NCBP2: variants seen among roughly 807,000 people sequenced by gnomAD.
NCBP2 encodes the protein nuclear cap-binding protein subunit 2.
NCBP2 carries 8 observed loss-of-function variants against 21.5 expected under a neutral mutation model. That is an observed-to-expected ratio of 0.37 (90% CI 0.22 to 0.67). The LOEUF (loss-of-function observed/expected upper bound fraction) is 0.67, where lower values mean the gene tolerates loss of function less well. NCBP2 is among the 30% of genes least tolerant of loss of function. The pLI is 0.56. For missense variants in NCBP2, 127 were observed against 206.9 expected (o/e 0.61, Z 2.37); for synonymous variants, 92 against 75.8 (o/e 1.21, Z -1.11).
At chr3:196,942,221 G>A (rs919735627) in intron 1 of NCBP2, 2 of 1,461,362 alleles carry the variant, frequency 1.4e-6, no homozygotes, top group South Asian at 1.4e-5. Context: ...CGAGCCTCCA[G>A]TTCCCCGTCT....
In NCBP2 at chr3:196,937,707, A is replaced by G. The variant is rs564068047; in HGVS notation, c.261-59T>C. 614 of 1,591,356 alleles carry G rather than the reference A, an allele frequency of 3.9e-4. 3 individuals are homozygous for G. The African/African-American group carries it at 7.2e-3, about 19-fold the overall frequency. On this transcript the variant is annotated intron_variant, in intron 2 of 3. Coordinates refer to ENST00000321256, the MANE Select transcript of NCBP2 (RefSeq NM_007362.5). ...ACATTTCTGGAAATAGGGGAACAAC[A>G]TGTAAATGAAGCTGAGTTGTTAAAA...
At chr3:196,937,457 A>G (rs921132074) in intron 3 of NCBP2, 53 bp downstream of exon 3, 233 of 1,605,870 alleles carry the variant, frequency 1.5e-4, no homozygotes, top group Non-Finnish European at 1.8e-4. Context: ...AACACCTGTC[A>G]TTGTGACTGG....
chr3:196,940,563 C>G (rs1474949026), intron 1 of NCBP2, among the ~76,000 whole-genome samples: 1 of 152,118 alleles, frequency 6.6e-6, no homozygotes, highest in East Asian at 1.9e-4. Context: ...AAATAGCCTA[C>G]AGTTTAAGAT....
chr3:196,940,190 G>A (rs1042778345), intron 1 of NCBP2: 1 of 152,216 alleles, frequency 6.6e-6, no homozygotes, highest in Non-Finnish European at 1.5e-5. Flanking sequence ...CATAGTGAAT[G>A]AAACCCTGTC....
At chr3:196,938,924 CTGG>C in intron 2 of NCBP2, 1 of 222,280 alleles carries the variant, frequency 4.5e-6, no homozygotes, top group African/African-American at 2.3e-5. Context: ...GCCCAAGAAA[CTGG>C]TAACTGACTG....
At chr3:196,939,509 C>T (rs1716427998) in intron 1 of NCBP2, 77 bp from the exon 2 acceptor site, 6 of 1,094,922 alleles carry the variant, frequency 5.5e-6, no homozygotes, top group Non-Finnish European at 7.7e-6. Context: ...ACGGTAGAGA[C>T]ATTCATTAAT....
rs1485811630 is a variant in NCBP2 at position 196,936,025 on chromosome 3, C to T, written c.*986G>A. On this transcript the variant is annotated 3_prime_UTR_variant, in exon 4 of 4. Transcript: ENST00000321256. ...CTCCCTTTTAAAACCCAGTCCATTC[C>T]CAACATCACTGAAAATGAAAAGAAT... The T allele has an allele frequency of 6.6e-6, 1 of 152,176 alleles. No individual in the cohort carries two copies. The highest frequency in any genetic ancestry group is 1.9e-4 in the East Asian group (1 of 5,204). 9.4% of individuals were successfully genotyped at this position (152,176 alleles called of 1,614,324 possible).
At chr3:196,937,736 A>G in intron 2 of NCBP2, 88 bp from the exon 3 acceptor site, 1 of 1,511,470 alleles carries the variant, frequency 6.6e-7, no homozygotes, top group Non-Finnish European at 9.1e-7. Flanking sequence ...GTTAAAAAGT[A>G]CAAGAGCTAA....
rs1716255572 is a variant in NCBP2 at position 196,936,202 on chromosome 3, C to G, written c.*809G>C. ...CTTTTTTTTAGCTTTAGGTATAACA[C>G]TGACATCTTTTGAAAAACGTGTTAG... On this transcript the variant is annotated 3_prime_UTR_variant, in exon 4 of 4. Coordinates refer to ENST00000321256, the MANE Select transcript of NCBP2 (RefSeq NM_007362.5). The G allele has an allele frequency of 6.6e-6, 1 of 152,174 alleles. No homozygotes were observed. The highest frequency in any genetic ancestry group is 1.5e-5 in the Non-Finnish European group (1 of 68,050). The allele number at this position is 152,174 out of a possible 1,614,324, so 9.4% of individuals were successfully genotyped here.
chr3:196,940,093 G>C (rs960470557), intron 1 of NCBP2: 1 of 152,410 alleles, frequency 6.6e-6, no homozygotes, highest in Non-Finnish European at 1.5e-5. Context: ...GGTCAGGCGC[G>C]GTGGCTCATG....
At chr3:196,942,204 G>C (rs1236110643) in intron 1 of NCBP2, 1 of 1,458,706 alleles carries the variant, frequency 6.9e-7, no homozygotes, top group African/African-American at 1.4e-5. Context: ...CGAGCGAATG[G>C]GATAAGCGAG....
intron 1 of NCBP2, 56 bp downstream of exon 1, chr3:196,942,370 C>G (rs777432483): frequency 6.3e-7 from 1 of 1,584,228 alleles, no homozygotes; most frequent in East Asian, 2.3e-5. Flanking sequence ...AAGAGCAAAC[C>G]GTTTCTCAGC....
intron 1 of NCBP2, among the ~76,000 whole-genome samples, chr3:196,940,715 G>A (rs1716503177): frequency 1.3e-5 from 2 of 152,234 alleles, no homozygotes; most frequent in Non-Finnish European, 2.9e-5. Context: ...AAAGTCAGAA[G>A]GTTCCAGTTT....
intron 2 of NCBP2, 128 bp from the exon 3 acceptor site, chr3:196,937,776 T>G: frequency 8.4e-7 from 1 of 1,188,476 alleles, no homozygotes; most frequent in Non-Finnish European, 1.2e-6. Flanking sequence ...AAGACAGTAA[T>G]TCAGCTTGCC....
At chr3:196,941,675 G>T in intron 1 of NCBP2, 1 of 445,664 alleles carries the variant, frequency 2.2e-6, no homozygotes, top group East Asian at 3.9e-5. Flanking sequence ...AATGAGTCCC[G>T]CCCCGCCAAC....
At chr3:196,939,065 T>C (rs986262609) in intron 2 of NCBP2, 186 bp downstream of exon 2, 7 of 497,828 alleles carry the variant, frequency 1.4e-5, no homozygotes, top group Middle Eastern at 4.8e-4. Flanking sequence ...TAAAGAACCA[T>C]AAAGCATGGA....
chr3:196,940,953 G>A (rs1577866357), intron 1 of NCBP2: 1 of 152,420 alleles, frequency 6.6e-6, no homozygotes, highest in East Asian at 1.9e-4. Context: ...GCGCGAGCCT[G>A]TGGTCCCAGC....
At chr3:196,938,542 A>C (rs1716373888) in intron 2 of NCBP2, 1 of 152,278 alleles carries the variant, frequency 6.6e-6, no homozygotes, top group African/African-American at 2.4e-5. Context: ...TGAGTAAGGG[A>C]ATTAAATGAT....
chr3:196,942,206 A>G (rs376783357), intron 1 of NCBP2: 3 of 1,459,566 alleles, frequency 2.1e-6, no homozygotes, highest in Non-Finnish European at 2.7e-6. Flanking sequence ...AGCGAATGGG[A>G]TAAGCGAGCC....
Sources: allele counts gnomAD v4.1 joint callset (sites outside exome capture counted in the v4.1 genomes callset), GRCh38; gene constraint gnomAD v4.1.1; transcripts MANE v1.5; gene names NCBI Gene and HGNC (gene_info 2026-07-23, HGNC 2026-07-21).